The following MYO1E variants were observed in gnomAD, a reference collection of about 807,000 sequenced individuals.
MYO1E encodes unconventional myosin-Ie.
MYO1E carries 68 observed loss-of-function variants against 151.1 expected under a neutral mutation model. The ratio of observed to expected loss-of-function variants is 0.45; its 90% CI spans 0.37 to 0.55. The LOEUF is 0.55. Ranked by LOEUF, MYO1E falls within the 20% of genes least tolerant of loss-of-function variation. MYO1E has a pLI of 0.00. For synonymous variants in MYO1E, 601 were observed against 501.7 expected (o/e 1.20, Z -2.64); for missense variants, 1,363 against 1,389.3 (o/e 0.98, Z 0.30).
intron 1 of MYO1E, among the ~76,000 whole-genome samples, chr15:59,320,689 A>G (rs1475219303): frequency 6.6e-6 from 1 of 152,212 alleles, no homozygotes; most frequent in African/African-American, 2.4e-5. Context: ...TTAACCCAAG[A>G]TGGATTAAAG....
chr15:59,189,004 T>C (rs1047016910), intron 17 of MYO1E, among the ~76,000 whole-genome samples: 1 of 152,234 alleles, frequency 6.6e-6, no homozygotes, highest in Non-Finnish European at 1.5e-5. Flanking sequence ...TTCAAGTGTG[T>C]ACATTAAAAA....
chr15:59,132,943 C>G lies in MYO1E; in HGVS notation c.*4437G>C, dbSNP rs1252877699. ...ATTAAAGGAGCTTACAAGTTTCTAG[C>G]TGTTGAGTTTTATGCGTGAGTTTTC... On this transcript the variant is annotated 3_prime_UTR_variant, in exon 28 of 28. Transcript: ENST00000288235. 1 of 152,194 alleles carries G rather than the reference C, an allele frequency of 6.6e-6. No homozygotes were observed. Among genetic ancestry groups the G allele is most frequent in the Non-Finnish European group, 1.5e-5 (1 of 68,048 alleles). The allele number at this position is 152,194 out of a possible 1,614,324, so 9.4% of individuals were successfully genotyped here.
At chr15:59,211,101 G>A (rs1440111379) in intron 12 of MYO1E, among the ~76,000 whole-genome samples, 2 of 151,698 alleles carry the variant, frequency 1.3e-5, no homozygotes, top group East Asian at 1.9e-4. Context: ...TTGGGAGGCT[G>A]AGGCAGGAGA....
At chr15:59,323,529 G>A (rs543749170) in intron 1 of MYO1E, among the ~76,000 whole-genome samples, 4 of 150,900 alleles carry the variant, frequency 2.7e-5, no homozygotes, top group African/African-American at 9.7e-5. Flanking sequence ...GGTGGTGGGC[G>A]CTTGCAGTCC....
At chr15:59,349,917 GTTTGT>G (rs2080814737) in intron 1 of MYO1E, among the ~76,000 whole-genome samples, 1 of 152,140 alleles carries the variant, frequency 6.6e-6, no homozygotes, top group African/African-American at 2.4e-5. Flanking sequence ...ACTTGAACAG[GTTTGT>G]TAGAAAAACA....
At chr15:59,309,381 G>A (rs752576047) in intron 1 of MYO1E, among the ~76,000 whole-genome samples, 7 of 152,144 alleles carry the variant, frequency 4.6e-5, no homozygotes, top group Non-Finnish European at 8.8e-5. Flanking sequence ...ACAACAAACA[G>A]GACTTGAATT....
intron 5 of MYO1E, among the ~76,000 whole-genome samples, chr15:59,234,839 A>G (rs2080052646): frequency 6.6e-6 from 1 of 151,806 alleles, no homozygotes; most frequent in Non-Finnish European, 1.5e-5. Flanking sequence ...AAAAAAAAAA[A>G]AAAGGGAACC....
At chr15:59,336,372 A>C (rs2080728409) in intron 1 of MYO1E, among the ~76,000 whole-genome samples, 1 of 152,186 alleles carries the variant, frequency 6.6e-6, no homozygotes, top group South Asian at 2.1e-4. Flanking sequence ...CGCTGTCTCA[A>C]AAAAAAGAAA....
intron 1 of MYO1E, among the ~76,000 whole-genome samples, chr15:59,298,061 T>C (rs140058020): frequency 1.8e-3 from 274 of 152,318 alleles, no homozygotes; most frequent in African/African-American, 6.3e-3. Context: ...TATTTGTAGG[T>C]GATATTCACT....
At chr15:59,290,194 G>T (rs1233390383) in intron 1 of MYO1E, among the ~76,000 whole-genome samples, 2 of 152,156 alleles carry the variant, frequency 1.3e-5, no homozygotes, top group African/African-American at 4.8e-5. Flanking sequence ...TTAGAAACCT[G>T]GCAGCTTCTA....
At chr15:59,231,604 T>C (rs1223810266) in intron 6 of MYO1E, 98 bp downstream of exon 6, 10 of 1,260,884 alleles carry the variant, frequency 7.9e-6, no homozygotes, top group Non-Finnish European at 1.2e-5. Flanking sequence ...CCTGATGATA[T>C]GTGAAAGGCT....
At chr15:59,211,014 A>C (rs2140340554) in intron 12 of MYO1E, among the ~76,000 whole-genome samples, 1 of 152,212 alleles carries the variant, frequency 6.6e-6, no homozygotes, top group African/African-American at 2.4e-5. Context: ...ATCGTGACCA[A>C]CATGGTGAAA....
At chr15:59,253,588 T>A (rs569914234) in intron 4 of MYO1E, among the ~76,000 whole-genome samples, 2 of 151,544 alleles carry the variant, frequency 1.3e-5, no homozygotes, top group South Asian at 4.2e-4. Context: ...TTCAAGCGAT[T>A]TCCCTGCCTC....
intron 19 of MYO1E, among the ~76,000 whole-genome samples, chr15:59,174,479 T>C (rs2079613065): frequency 6.6e-6 from 1 of 152,144 alleles, no homozygotes; most frequent in African/African-American, 2.4e-5. Flanking sequence ...AGAATCTGAG[T>C]GTATTCAGTT....
intron 19 of MYO1E, among the ~76,000 whole-genome samples, chr15:59,176,538 T>G (rs551269503): frequency 1.3e-5 from 2 of 151,740 alleles, no homozygotes; most frequent in South Asian, 4.2e-4. Flanking sequence ...CATAGCTCAC[T>G]GTAACCTTGA....
Position 59,272,382 on chromosome 15 carries a change from A to G in MYO1E, c.71T>C (p.Met24Thr). 6 of 1,613,988 alleles carry G rather than the reference A, an allele frequency of 3.7e-6. No individual in the cohort carries two copies. Among genetic ancestry groups the G allele is most frequent in the Non-Finnish European group, 5.1e-6 (6 of 1,179,814 alleles). ...HNVKHSGVDD[M>T]VLLSKITENS... ...CTCTGTGATCTTGGACAGTAGCACC[A>G]TGTCGTCCACACCACTGTGCTTGAC... The change falls in exon 2 of 28, where the codon ATG becomes ACG. Residue 24 changes from methionine (M) to threonine (T), a missense_variant. Physicochemically the swap from Met to Thr is moderately conservative, Grantham distance 81. Transcript: ENST00000288235.
intron 7 of MYO1E, 144 bp from the exon 8 acceptor site, chr15:59,224,967 T>C: frequency 1.9e-6 from 2 of 1,076,862 alleles, no homozygotes; most frequent in Non-Finnish European, 2.8e-6. Flanking sequence ...AAATATGTAC[T>C]TGTAGTAGCC....
chr15:59,294,983 TC>T (rs2080440702), intron 1 of MYO1E, among the ~76,000 whole-genome samples: 1 of 152,194 alleles, frequency 6.6e-6, no homozygotes, highest in African/African-American at 2.4e-5. Flanking sequence ...GGTAATCTTG[TC>T]TGTCCTCTGA....
Position 59,134,334 on chromosome 15 carries a change from T to A in MYO1E, c.*3046A>T, listed in dbSNP as rs1165470585. On this transcript the variant is annotated 3_prime_UTR_variant, in exon 28 of 28. Transcript: ENST00000288235. ...TTCAAGAAGGCTTCACCCTTTGTCCTCTCCACATGTCTCTGTATTGTTTCA... is the reference window on the plus strand; with the variant it reads ...TTCAAGAAGGCTTCACCCTTTGTCCACTCCACATGTCTCTGTATTGTTTCA... 4.6e-5 allele frequency: 7 copies of A among 152,128 alleles called. No individual in the cohort carries two copies. The highest frequency in any genetic ancestry group is 1.5e-5 in the Non-Finnish European group (1 of 68,034). The allele number at this position is 152,128 out of a possible 1,614,324, so 9.4% of individuals were successfully genotyped here. A position where few individuals can be genotyped will look rare whatever the true frequency, so the allele number is the denominator to read the frequency against.
Sources: allele counts gnomAD v4.1 joint callset (sites outside exome capture counted in the v4.1 genomes callset), GRCh38; gene constraint gnomAD v4.1.1; transcripts MANE v1.5; gene names NCBI Gene and HGNC (gene_info 2026-07-23, HGNC 2026-07-21).